Variants in FAM13A observed in about 807,000 individuals in gnomAD.
The protein encoded by FAM13A is family with sequence similarity 13 member A.
Under a neutral mutation model 129.6 loss-of-function variants are expected in FAM13A, and 76 were observed. The ratio of observed to expected loss-of-function variants is 0.59; its 90% CI spans 0.49 to 0.71. The LOEUF (loss-of-function observed/expected upper bound fraction) is 0.71. FAM13A is among the 30% of genes least tolerant of loss of function. The pLI, the probability that FAM13A is intolerant of heterozygous loss-of-function variation, is 0.00. For synonymous variants in FAM13A, 443 were observed against 449.9 expected (o/e 0.98, Z 0.20); for missense variants, 1,108 against 1,249.3 (o/e 0.89, Z 1.70).
intron 6 of FAM13A, among the ~76,000 whole-genome samples, chr4:88,851,966 T>A (rs950695610): frequency 6.6e-6 from 1 of 152,254 alleles, no homozygotes; most frequent in Non-Finnish European, 1.5e-5. Flanking sequence ...GTAGGAAAAA[T>A]TAGAAACCTC....
intron 4 of FAM13A, among the ~76,000 whole-genome samples, chr4:88,960,255 T>C (rs1419160418): frequency 1.3e-5 from 2 of 152,256 alleles, no homozygotes; most frequent in Non-Finnish European, 2.9e-5. Flanking sequence ...ATTGTCACTA[T>C]GTGTTTCTCT....
chr4:88,732,379 T>C (rs967480417), intron 21 of FAM13A, 181 bp from the exon 22 acceptor site: 7 of 463,826 alleles, frequency 1.5e-5, no homozygotes, highest in African/African-American at 1.2e-4. Flanking sequence ...GATATAAATA[T>C]ACACATTTAA....
chr4:88,734,984 A>G (rs2604221), intron 21 of FAM13A, among the ~76,000 whole-genome samples: 67,091 of 152,126 alleles, frequency 0.44, 17,992 homozygotes, highest in African/African-American at 0.75. Flanking sequence ...TCCGGGTATC[A>G]GTTTTAACAG....
chr4:88,728,373 G>T lies in FAM13A; in HGVS notation c.*160C>A. ...TTGTCTTCTTCCAGCCAGTTTCTAA[G>T]GCAGGCAATGGAAACAGGAGCCGAT... On this transcript the variant is annotated 3_prime_UTR_variant, in exon 24 of 24. Transcript: ENST00000264344. 2.6e-6 allele frequency: 2 copies of T among 783,238 alleles called. No individual in the cohort carries two copies. The highest frequency in any genetic ancestry group is 4.0e-6 in the Non-Finnish European group (2 of 495,782). The allele number at this position is 783,238 out of a possible 1,614,324, so 48.5% of individuals were successfully genotyped here. A position where few individuals can be genotyped will look rare whatever the true frequency, so the allele number is the denominator to read the frequency against.
intron 7 of FAM13A, among the ~76,000 whole-genome samples, chr4:88,835,688 T>A (rs1324831895): frequency 6.6e-6 from 1 of 152,206 alleles, no homozygotes; most frequent in East Asian, 1.9e-4. Context: ...ACAAGGAACG[T>A]GCAACCTAGA....
At chr4:89,006,144 G>A (rs1401415250) in intron 3 of FAM13A, among the ~76,000 whole-genome samples, 2 of 149,220 alleles carry the variant, frequency 1.3e-5, no homozygotes, top group East Asian at 3.9e-4. Context: ...AGCTATCCCA[G>A]CATCATTTAT....
intron 4 of FAM13A, among the ~76,000 whole-genome samples, chr4:88,970,257 G>C (rs975690327): frequency 3.9e-5 from 6 of 152,112 alleles, no homozygotes; most frequent in African/African-American, 1.4e-4. Context: ...TCAGCCCCCA[G>C]ATATTCCTCT....
At chr4:89,034,090 TTAAAC>T (rs1560892452) in intron 1 of FAM13A, among the ~76,000 whole-genome samples, 1 of 152,096 alleles carries the variant, frequency 6.6e-6, no homozygotes, top group Non-Finnish European at 1.5e-5. Flanking sequence ...TGGGACCTAA[TTAAAC>T]TAAAGAGCTT....
At position 88,899,680 on chromosome 4, in the gene FAM13A, AAAG is replaced by A. The variant is rs377392835; in HGVS notation, c.843+6696_843+6698del. Among the ~76,000 whole-genome samples the A allele has an allele frequency of 1.3e-3, 199 of 152,196 alleles. 2 individuals are homozygous for A. Among genetic ancestry groups the A allele is most frequent in the African/African-American group, 4.3e-3 (177 of 41,556 alleles). The stretch of plus-strand genomic sequence containing the variant: ...AAATTCTCATGAAACATTCTGGATT[AAAG>A]AAGTTTTTCTATACTGAAAACTCAA... On this transcript the variant is annotated intron_variant, in intron 6 of 23. Transcript: ENST00000264344.
rs1175076761 is a variant in FAM13A, at chr4:88,919,686, G to A, written c.760-13224C>T. On this transcript the variant is annotated intron_variant, in intron 5 of 23. Transcript: ENST00000264344. ...GGGTTCATCTCACTAGGGAGTGCCA[G>A]ACAGTGGGCGCAGGACAGTGGGTGC... is the stretch of plus-strand genomic sequence containing the variant. 2.6e-5 allele frequency among the ~76,000 whole-genome samples: 4 copies of A among 152,066 alleles called. No individual in the cohort carries two copies. The South Asian group carries it at 6.2e-4, about 24-fold the overall frequency.
Position 88,773,780 on chromosome 4 carries a change from C to T in FAM13A, c.1459-5721G>A, listed in dbSNP as rs915601832. ...CCAGATTAATATATCTAACTGCCTA[C>T]TTGAATTCTTTACTAGATTCTGTCA... On this transcript the variant is annotated intron_variant, in intron 11 of 23. Coordinates refer to ENST00000264344, the MANE Select transcript of FAM13A (RefSeq NM_014883.4). 2.0e-5 allele frequency among the ~76,000 whole-genome samples: 3 copies of T among 152,190 alleles called. No individual in the cohort carries two copies. The East Asian group carries it at 5.8e-4, about 29-fold the overall frequency.
chr4:88,995,831 T>A (rs1487170866), intron 3 of FAM13A, among the ~76,000 whole-genome samples: 1 of 152,232 alleles, frequency 6.6e-6, no homozygotes, highest in Non-Finnish European at 1.5e-5. Context: ...TCCATGCTTT[T>A]ATGAAACATA....
At chr4:88,979,059 G>A (rs1194650104) in intron 4 of FAM13A, among the ~76,000 whole-genome samples, 1 of 152,186 alleles carries the variant, frequency 6.6e-6, no homozygotes, top group Non-Finnish European at 1.5e-5. Context: ...ACTCAAGGAA[G>A]AGAGTGAAAA....
intron 7 of FAM13A, among the ~76,000 whole-genome samples, chr4:88,832,212 C>G (rs1005997518): frequency 4.6e-5 from 7 of 152,132 alleles, no homozygotes; most frequent in Non-Finnish European, 7.4e-5. Flanking sequence ...GGACCCCTTC[C>G]TTATACCTTA....
chr4:88,745,729 T>C (rs1257446549), intron 19 of FAM13A, among the ~76,000 whole-genome samples: 1 of 152,202 alleles, frequency 6.6e-6, no homozygotes, highest in Non-Finnish European at 1.5e-5. Context: ...GCATTTACTA[T>C]TTGGTTCAAT....
intron 3 of FAM13A, among the ~76,000 whole-genome samples, chr4:89,016,637 T>C (rs777088489): frequency 7.2e-5 from 11 of 152,160 alleles, no homozygotes; most frequent in Non-Finnish European, 1.2e-4. Context: ...TTTTCTTTTT[T>C]ATTGTTATTT....
chr4:88,790,704 G>T (rs186435200), intron 8 of FAM13A, 77 bp from the exon 9 acceptor site: 6 of 1,241,408 alleles, frequency 4.8e-6, no homozygotes, highest in Non-Finnish European at 7.0e-6. Context: ...GAAGTGGATC[G>T]CAGGCTGAAA....
At chr4:88,797,843 A>T (rs1726545696) in intron 8 of FAM13A, among the ~76,000 whole-genome samples, 1 of 152,164 alleles carries the variant, frequency 6.6e-6, no homozygotes, top group African/African-American at 2.4e-5. Context: ...TTTTTTGAGA[A>T]GATTAACAAT....
intron 7 of FAM13A, among the ~76,000 whole-genome samples, chr4:88,849,166 G>A (rs1737145712): frequency 6.6e-6 from 1 of 152,112 alleles, no homozygotes; most frequent in East Asian, 1.9e-4. Context: ...GCAAATTATT[G>A]AATTTTCATT....
Sources: allele counts gnomAD v4.1 joint callset (sites outside exome capture counted in the v4.1 genomes callset), GRCh38; gene constraint gnomAD v4.1.1; transcripts MANE v1.5; gene names NCBI Gene and HGNC (gene_info 2026-07-23, HGNC 2026-07-21).